CNTNAP2: variants seen among roughly 807,000 people sequenced by gnomAD.
The protein encoded by CNTNAP2 is contactin associated protein 2.
A neutral mutation model predicts 155.2 loss-of-function variants in CNTNAP2; 98 were observed. The ratio of observed to expected loss-of-function variants is 0.63; its 90% CI spans 0.54 to 0.75. The LOEUF (loss-of-function observed/expected upper bound fraction) is 0.75, where lower values mean the gene tolerates loss of function less well. Among genes scored for constraint, CNTNAP2 ranks in the 30% least tolerant of loss-of-function variants. CNTNAP2 has a pLI of 0.00. For synonymous variants in CNTNAP2, 651 were observed against 631.2 expected, an observed-to-expected ratio of 1.03 and a Z score of -0.47; for missense variants, 1,727 against 1,688.1, an observed-to-expected ratio of 1.02 and a Z score of -0.40.
At chr7:146,273,270 T>G (rs974370563) in intron 1 of CNTNAP2, among the ~76,000 whole-genome samples, 1 of 151,484 alleles carries the variant, frequency 6.6e-6, no homozygotes, top group Non-Finnish European at 1.5e-5. Flanking sequence ...TAAGGACTGA[T>G]ATTTTCCTAA....
intron 13 of CNTNAP2, among the ~76,000 whole-genome samples, chr7:147,896,786 G>T (rs1298765473): frequency 1.3e-5 from 2 of 152,168 alleles, no homozygotes; most frequent in African/African-American, 4.8e-5. Context: ...TGCGGCTAAT[G>T]TTAGTCCTAC....
chr7:148,387,547 A>G (rs1799240404), intron 22 of CNTNAP2, among the ~76,000 whole-genome samples: 1 of 152,120 alleles, frequency 6.6e-6, no homozygotes, highest in Non-Finnish European at 1.5e-5. Context: ...TTATTCCTCA[A>G]CAAGCAGCAA....
At chr7:147,494,733 A>T (rs1451146288) in intron 11 of CNTNAP2, among the ~76,000 whole-genome samples, 1 of 152,198 alleles carries the variant, frequency 6.6e-6, no homozygotes, top group South Asian at 2.1e-4. Flanking sequence ...TGATATAGGG[A>T]AAGAGTCTAC....
Position 146,985,308 on chromosome 7 carries a change from A to ATT in CNTNAP2, c.403-58571_403-58570dup, listed in dbSNP as rs71165057. Among the ~76,000 whole-genome samples the ATT allele has an allele frequency of 2.8e-3, 360 of 127,762 alleles. 19 individuals are homozygous for ATT. Among genetic ancestry groups the ATT allele is most frequent in the African/African-American group, 9.3e-3 (298 of 31,950 alleles). 83.8% of individuals were successfully genotyped at this position (127,762 alleles called of 152,430 possible). On this transcript the variant is annotated intron_variant, in intron 3 of 23. Coordinates refer to ENST00000361727, the MANE Select transcript of CNTNAP2 (RefSeq NM_014141.6). ...CAAAGTGCTTGTGGAAAATGCTTGAATTTTTTTTTTTTTTTTTTTTTTTTT... is the reference window on the plus strand; with the variant it reads ...CAAAGTGCTTGTGGAAAATGCTTGAATTTTTTTTTTTTTTTTTTTTTTTTTTT...
intron 13 of CNTNAP2, among the ~76,000 whole-genome samples, chr7:147,790,236 C>T (rs1481557429): frequency 6.6e-6 from 1 of 152,128 alleles, no homozygotes; most frequent in Non-Finnish European, 1.5e-5. Flanking sequence ...CCCCAGCACC[C>T]CTCCAGCCCT....
chr7:147,482,112 A>C (rs990944131), intron 10 of CNTNAP2, among the ~76,000 whole-genome samples: 2 of 152,156 alleles, frequency 1.3e-5, no homozygotes, highest in Non-Finnish European at 2.9e-5. Context: ...GAATTATAAG[A>C]TAAAAACCCC....
At chr7:147,467,506 G>T (rs1014046631) in intron 10 of CNTNAP2, among the ~76,000 whole-genome samples, 1 of 152,150 alleles carries the variant, frequency 6.6e-6, no homozygotes, top group African/African-American at 2.4e-5. Flanking sequence ...GACACTCAGA[G>T]TGAAATAATA....
chr7:146,477,095 A>G (rs955600004), intron 1 of CNTNAP2, among the ~76,000 whole-genome samples: 35 of 152,204 alleles, frequency 2.3e-4, no homozygotes, highest in African/African-American at 8.4e-4. Context: ...TCCTAGAGAA[A>G]GAGAAAGTTT....
chr7:147,905,870 A>G (rs1182369840), intron 14 of CNTNAP2, among the ~76,000 whole-genome samples: 1 of 152,026 alleles, frequency 6.6e-6, no homozygotes, highest in East Asian at 1.9e-4. Context: ...CAGCCTGGGT[A>G]ACAAGAGTGA....
intron 10 of CNTNAP2, among the ~76,000 whole-genome samples, chr7:147,406,255 G>C (rs778328059): frequency 6.6e-6 from 1 of 152,100 alleles, no homozygotes; most frequent in Non-Finnish European, 1.5e-5. Context: ...TTGTTATCTG[G>C]TTTATTAGTA....
rs1585058354 is a variant in CNTNAP2, at chr7:146,721,559, ATT to A, written c.98-52711_98-52710del. On this transcript the variant is annotated intron_variant, in intron 1 of 23. Transcript: ENST00000361727. ...TACATTCTATATATATTCTATATAC[ATT>A]CTATATATATTCTATATACATTCTA... is the stretch of plus-strand genomic sequence containing the variant. 2.4e-5 allele frequency among the ~76,000 whole-genome samples: 3 copies of A among 123,736 alleles called. No homozygotes were observed. In the East Asian group the frequency reaches 6.6e-4, roughly 27 times the overall value. The allele number at this position is 123,736 out of a possible 152,430, so 81.2% of individuals were successfully genotyped here.
intron 21 of CNTNAP2, among the ~76,000 whole-genome samples, chr7:148,356,746 TCCCTTCTGCCATCACCTCAGTCAGA>T (rs1315933973): frequency 1.3e-5 from 2 of 152,068 alleles, no homozygotes; most frequent in East Asian, 3.8e-4. Flanking sequence ...CACCTTTCCA[TCCCTTCTGCCATCACCTCAGTCAGA>T]CCCTTACCCC....
intron 1 of CNTNAP2, among the ~76,000 whole-genome samples, chr7:146,625,673 C>A (rs1265522600): frequency 6.6e-6 from 1 of 151,916 alleles, no homozygotes; most frequent in Non-Finnish European, 1.5e-5. Context: ...TATGAGGACA[C>A]AAATATTCCA....
intron 21 of CNTNAP2, among the ~76,000 whole-genome samples, chr7:148,337,130 C>T (rs1266901218): frequency 1.3e-5 from 2 of 152,156 alleles, no homozygotes; most frequent in Non-Finnish European, 2.9e-5. Context: ...GATATCAACA[C>T]GGGGGACACT....
intron 8 of CNTNAP2, among the ~76,000 whole-genome samples, chr7:147,229,672 A>G (rs992072146): frequency 6.6e-6 from 1 of 152,218 alleles, no homozygotes; most frequent in Non-Finnish European, 1.5e-5. Flanking sequence ...GTAGTAATCA[A>G]TATTCTCAGT....
intron 15 of CNTNAP2, among the ~76,000 whole-genome samples, chr7:148,022,809 T>A (rs1802308557): frequency 1.3e-5 from 2 of 152,134 alleles, no homozygotes; most frequent in African/African-American, 4.8e-5. Context: ...AGCCACACCG[T>A]CTGCCCGATC....
At chr7:146,275,621 C>A (rs572736069) in intron 1 of CNTNAP2, among the ~76,000 whole-genome samples, 9 of 152,222 alleles carry the variant, frequency 5.9e-5, no homozygotes, top group South Asian at 4.1e-4. Context: ...TCCCTTCTGG[C>A]AAATTGGCTA....
At chr7:147,790,794 A>C (rs2116572425) in intron 13 of CNTNAP2, among the ~76,000 whole-genome samples, 1 of 152,346 alleles carries the variant, frequency 6.6e-6, no homozygotes, top group African/African-American at 2.4e-5. Context: ...GGGTAATATA[A>C]ACCCTCCACC....
chr7:146,561,839 T>C lies in CNTNAP2; in HGVS notation c.98-212432T>C, dbSNP rs992930533. Among the ~76,000 whole-genome samples the C allele has an allele frequency of 5.3e-5, 8 of 152,242 alleles. No homozygotes were observed. In the East Asian group the frequency reaches 1.2e-3, roughly 22 times the overall value. The stretch of plus-strand genomic sequence containing the variant: ...GTTTCTGGCTATGTTGCCCAGGTCA[T>C]AATACAGTGATGCAATCATGGCTCA... On this transcript the variant is annotated intron_variant, in intron 1 of 23. Coordinates refer to ENST00000361727, the MANE Select transcript of CNTNAP2 (RefSeq NM_014141.6).
Sources: gnomAD v4.1 joint callset for allele counts (sites outside exome capture counted in the v4.1 genomes callset) on GRCh38, gnomAD v4.1.1 for gene constraint, MANE v1.5 for transcripts, NCBI Gene and HGNC (gene_info 2026-07-23, HGNC 2026-07-21) for gene names.